The following DUSP16 variants were observed in gnomAD, a reference collection of about 807,000 sequenced individuals.
DUSP16 encodes the protein dual specificity phosphatase 16, also known as dual specificity protein phosphatase 16.
Under a neutral mutation model 58.3 loss-of-function variants are expected in DUSP16, and 21 were observed. That is an observed-to-expected ratio of 0.36 (90% CI 0.26 to 0.52). The LOEUF is 0.52. Ranked by LOEUF, DUSP16 falls within the 20% of genes least tolerant of loss-of-function variation. DUSP16 has a pLI of 0.94. For synonymous variants in DUSP16, 320 were observed against 323.8 expected (o/e 0.99, Z 0.12); for missense variants, 726 against 819.0 (o/e 0.89, Z 1.39).
chr12:12,495,737 A>T lies in DUSP16; in HGVS notation c.531+4782T>A, dbSNP rs1943819142. ...TTCAATTCTAGATAAAAGAATTGTA[A>T]TTTTTCTTTCTGAAGTCAATTCCAT... On this transcript the variant is annotated intron_variant, in intron 4 of 6. Coordinates refer to ENST00000298573, the MANE Select transcript of DUSP16 (RefSeq NM_030640.3). Among the ~76,000 whole-genome samples, 3 of 152,158 alleles carry T rather than the reference A, an allele frequency of 2.0e-5. No homozygotes were observed. The South Asian group carries it at 6.2e-4, about 31-fold the overall frequency.
intron 1 of DUSP16, among the ~76,000 whole-genome samples, chr12:12,544,203 G>A (rs1394957798): frequency 6.6e-6 from 1 of 151,976 alleles, no homozygotes; most frequent in Non-Finnish European, 1.5e-5. Context: ...CTTATACCAT[G>A]GCTGAGTTTT....
chr12:12,536,448 T>G, intron 1 of DUSP16, among the ~76,000 whole-genome samples: 1 of 152,186 alleles, frequency 6.6e-6, no homozygotes, highest in Admixed American at 6.5e-5. Flanking sequence ...TTAGACATAA[T>G]AAAAGGCTGA....
chr12:12,477,528 T>A lies in DUSP16; in HGVS notation c.1303A>T (p.Thr435Ser). The part of the protein sequence containing the change: ...DALEYYKPST[T>S]LDGTNKLCQF... The stretch of plus-strand genomic sequence containing the variant: ...CATAGCTTGTTGGTCCCATCCAGAG[T>A]AGTGGAAGGTTTGTAGTATTCCAAA... The change falls in exon 7 of 7, where the codon ACT (threonine) becomes TCT (serine). Residue 435 changes from threonine (T) to serine (S), a missense_variant. By Grantham distance (58) the Thr-to-Ser change is moderately conservative. Coordinates refer to ENST00000298573, the MANE Select transcript of DUSP16 (RefSeq NM_030640.3). This position sits in a 1 kb window ranked among gnomAD's most constrained non-coding sequence, Gnocchi z 4.1. 6.2e-7 allele frequency: 1 copy of A among 1,605,496 alleles called. No individual in the cohort carries two copies. The highest frequency in any genetic ancestry group is 8.5e-7 in the Non-Finnish European group (1 of 1,174,756).
At chr12:12,535,994 T>C (rs1439053527) in intron 1 of DUSP16, among the ~76,000 whole-genome samples, 1 of 152,244 alleles carries the variant, frequency 6.6e-6, no homozygotes, top group Non-Finnish European at 1.5e-5. Flanking sequence ...TAGGCCACTG[T>C]ACGCTTTATG....
In DUSP16 at chr12:12,476,806, C is replaced by T; in HGVS notation, c.*27G>A. ...TTTGTGAACAAGAAAAAAAAATTGT[C>T]TATAGAAGTCACAAGTGTCTTTCTT... On this transcript the variant is annotated 3_prime_UTR_variant, in exon 7 of 7. Coordinates refer to ENST00000298573, the MANE Select transcript of DUSP16 (RefSeq NM_030640.3). 1.3e-6 allele frequency: 2 copies of T among 1,537,592 alleles called. No individual in the cohort carries two copies. Among genetic ancestry groups the T allele is most frequent in the Non-Finnish European group, 1.7e-6 (2 of 1,150,552 alleles).
Position 12,507,139 on chromosome 12 carries a change from GCAAT to G in DUSP16, c.368-6461_368-6458del, listed in dbSNP as rs558053557. 2.8e-3 allele frequency among the ~76,000 whole-genome samples: 432 copies of G among 152,232 alleles called. 1 individual carries two copies. Among genetic ancestry groups the G allele is most frequent in the Non-Finnish European group, 4.3e-3 (293 of 68,020 alleles). On this transcript the variant is annotated intron_variant, in intron 3 of 6. Transcript: ENST00000298573. ...CTCTTTTCTCTTCCCTCTCACCCAT[GCAAT>G]CAGTTATATATCACAGTATTTTCTT...
At chr12:12,481,472 T>G (rs1413078513) in intron 5 of DUSP16, among the ~76,000 whole-genome samples, 1 of 152,236 alleles carries the variant, frequency 6.6e-6, no homozygotes, top group African/African-American at 2.4e-5. Flanking sequence ...TACTGAACCT[T>G]GTGTTAAAAT....
At position 12,477,691 on chromosome 12, in the gene DUSP16, G is replaced by A. The variant is rs140147069; in HGVS notation, c.1140C>T (p.Leu380=). The stretch of plus-strand genomic sequence containing the variant: ...TGTCTGCGGACAGGTGCAGCCCACT[G>A]AGCGCCTGTACCAGCGGGCTGTCCT... ...LLEDSPLVQA[L]SGLHLSADRL... The change falls in exon 7 of 7, where the codon CTC becomes CTT. Residue 380 remains leucine (L), a synonymous_variant. Transcript: ENST00000298573. This position sits in a 1 kb window ranked among gnomAD's most constrained non-coding sequence, Gnocchi z 4.1. The A allele has an allele frequency of 3.7e-4, 604 of 1,613,632 alleles. 6 individuals carry two copies. In the African/African-American group the frequency reaches 7.4e-3, roughly 20 times the overall value.
intron 4 of DUSP16, among the ~76,000 whole-genome samples, chr12:12,496,057 G>A (rs1943823462): frequency 6.6e-6 from 1 of 152,192 alleles, no homozygotes; most frequent in Non-Finnish European, 1.5e-5. Flanking sequence ...TGGTAAGGTG[G>A]AGAACTGGGA....
In DUSP16 at chr12:12,520,869, A is replaced by C; in HGVS notation, c.228+2T>G. The C allele has an allele frequency of 6.2e-7, 1 of 1,614,114 alleles. No individual in the cohort carries two copies. Among genetic ancestry groups the C allele is most frequent in the Non-Finnish European group, 8.5e-7 (1 of 1,179,974 alleles). On this transcript the variant is annotated splice_donor_variant, in intron 2 of 6. Transcript: ENST00000298573. LOFTEE classifies it high-confidence loss of function. The stretch of plus-strand genomic sequence containing the variant: ...TGAAAAGGCAAAAAGGAAAGCGTTT[A>C]CCTTATGTTTCGCTGAATGCTGGAT...
chr12:12,531,111 C>T (rs181131716), intron 1 of DUSP16, among the ~76,000 whole-genome samples: 173 of 152,192 alleles, frequency 1.1e-3, no homozygotes, highest in African/African-American at 3.8e-3. Context: ...TGACAAAGAA[C>T]TAATTGACTA....
chr12:12,542,322 G>A (rs567497996), intron 1 of DUSP16, among the ~76,000 whole-genome samples: 11 of 147,642 alleles, frequency 7.5e-5, no homozygotes, highest in Admixed American at 1.4e-4. Flanking sequence ...GTGGTGAGCC[G>A]AGATCACGCC....
At chr12:12,528,616 T>C (rs7309871) in intron 1 of DUSP16, among the ~76,000 whole-genome samples, 17,012 of 152,170 alleles carry the variant, frequency 0.11, 1,731 homozygotes, top group East Asian at 0.38. Context: ...CAAGTACTTA[T>C]TTGGCACCTA....
intron 3 of DUSP16, among the ~76,000 whole-genome samples, chr12:12,504,813 G>A (rs574991764): frequency 6.6e-6 from 1 of 151,850 alleles, no homozygotes; most frequent in Non-Finnish European, 1.5e-5. Context: ...GGAGGTTGAT[G>A]ATGCAGTGAG....
intron 3 of DUSP16, among the ~76,000 whole-genome samples, chr12:12,514,132 A>T (rs562222422): frequency 6.6e-6 from 1 of 152,360 alleles, no homozygotes; most frequent in East Asian, 1.9e-4. Flanking sequence ...TACAATCCTC[A>T]TAATAAGGCA....
intron 3 of DUSP16, among the ~76,000 whole-genome samples, chr12:12,503,696 A>G (rs1047150088): frequency 6.6e-6 from 1 of 152,184 alleles, no homozygotes; most frequent in African/African-American, 2.4e-5. Flanking sequence ...AGCGGTCTAA[A>G]AAGTGAGAGA....
chr12:12,549,006 C>T (rs1396371883), intron 1 of DUSP16, among the ~76,000 whole-genome samples: 1 of 152,188 alleles, frequency 6.6e-6, no homozygotes, highest in Non-Finnish European at 1.5e-5. Flanking sequence ...GAACACTGTA[C>T]TGAGTGTACT....
chr12:12,504,249 TA>T (rs1249261679), intron 3 of DUSP16, among the ~76,000 whole-genome samples: 1 of 152,214 alleles, frequency 6.6e-6, no homozygotes. Flanking sequence ...TGGTGTCTAT[TA>T]ACATGTAGTT....
chr12:12,560,269 A>AT lies in DUSP16; in HGVS notation c.-366+1847dup, dbSNP rs573489527. Among the ~76,000 whole-genome samples, 4 of 152,278 alleles carry AT rather than the reference A, an allele frequency of 2.6e-5. No homozygotes were observed. The South Asian group carries it at 6.2e-4, about 24-fold the overall frequency. On this transcript the variant is annotated intron_variant, in intron 1 of 6. Coordinates refer to ENST00000298573, the MANE Select transcript of DUSP16 (RefSeq NM_030640.3). ...AAAAAAATTAATTACCACAGTTTAC[A>AT]TTTTTTATCTGAATGTACATTTATA...
Sources: gnomAD v4.1 joint callset for allele counts (sites outside exome capture counted in the v4.1 genomes callset) on GRCh38, gnomAD v4.1.1 for gene constraint, Gnocchi (gnomAD v3.1) non-coding constraint, MANE v1.5 for transcripts, NCBI Gene and HGNC (gene_info 2026-07-23, HGNC 2026-07-21) for gene names.